The following MEF2C variants were observed in gnomAD, a reference collection of about 807,000 sequenced individuals.
The protein encoded by MEF2C is myocyte enhancer factor 2C.
In MEF2C, 6 loss-of-function variants were observed where a neutral mutation model predicts 50.5. The observed-to-expected ratio is 0.12, with a 90% CI of 0.07 to 0.23. The LOEUF (loss-of-function observed/expected upper bound fraction) is 0.23, where lower values mean the gene tolerates loss of function less well. Ranked by LOEUF, MEF2C falls within the 10% of genes least tolerant of loss-of-function variation. The pLI is 1.00. For synonymous variants in MEF2C, 183 were observed against 228.0 expected, an observed-to-expected ratio of 0.80 and a Z score of 1.78; for missense variants, 276 against 605.0, an observed-to-expected ratio of 0.46 and a Z score of 5.70.
At chr5:88,770,061 A>G in intron 3 of MEF2C, 1 of 921,474 alleles carries the variant, frequency 1.1e-6, no homozygotes, top group Non-Finnish European at 1.3e-6. Flanking sequence ...ATGAGGAAGG[A>G]AAAGACAAGA....
At chr5:88,838,508 A>G in intron 1 of MEF2C, 1 of 938,628 alleles carries the variant, frequency 1.1e-6, no homozygotes, top group Non-Finnish European at 1.3e-6. Context: ...CTTCCTGATA[A>G]TGGGTCAGGA....
intron 6 of MEF2C, among the ~76,000 whole-genome samples, chr5:88,747,357 T>C (rs1770339428): frequency 5.4e-5 from 1 of 18,680 alleles, no homozygotes; most frequent in African/African-American, 9.8e-5. Flanking sequence ...TTTTTTTTTT[T>C]TTTTTTTTTG....
intron 1 of MEF2C, among the ~76,000 whole-genome samples, chr5:88,836,610 C>A (rs919393470): frequency 6.6e-6 from 1 of 152,160 alleles, no homozygotes; most frequent in Non-Finnish European, 1.5e-5. Flanking sequence ...AGGACAGGCA[C>A]GCTGCAGAGG....
At chr5:88,807,225 T>TTTTG (rs1481307632) in intron 2 of MEF2C, among the ~76,000 whole-genome samples, 4 of 152,166 alleles carry the variant, frequency 2.6e-5, no homozygotes, top group African/African-American at 7.2e-5. Context: ...ACAACTTCTC[T>TTTTG]TTTGTTTGTT....
intron 1 of MEF2C, among the ~76,000 whole-genome samples, chr5:88,891,400 T>A (rs1834550332): frequency 6.9e-6 from 1 of 144,236 alleles, no homozygotes; most frequent in Non-Finnish European, 1.5e-5. Flanking sequence ...AACCTTTTTT[T>A]TTTTTTTTTT....
upstream of MEF2C, chr5:88,887,407 C>T (rs1462731734): frequency 1.3e-5 from 2 of 152,118 alleles, no homozygotes; most frequent in African/African-American, 2.4e-5. Flanking sequence ...TTGTTATACA[C>T]GTCTATTCTG....
At chr5:88,794,562 T>C (rs1425535845) in intron 3 of MEF2C, among the ~76,000 whole-genome samples, 1 of 152,226 alleles carries the variant, frequency 6.6e-6, no homozygotes, top group African/African-American at 2.4e-5. Context: ...GAGGGATAGA[T>C]TGCACAAATT....
chr5:88,733,176 A>T, intron 6 of MEF2C: 1 of 985,340 alleles, frequency 1.0e-6, no homozygotes, highest in Non-Finnish European at 1.2e-6. Flanking sequence ...AGAGGCAGGA[A>T]TTGATGAGGG....
intron 1 of MEF2C, among the ~76,000 whole-genome samples, chr5:88,852,155 T>C (rs1046598637): frequency 1.3e-5 from 2 of 152,212 alleles, no homozygotes; most frequent in African/African-American, 4.8e-5. Flanking sequence ...TATGTTGAAC[T>C]GTATGTTCAA....
chr5:88,820,334 A>AGCT (rs1162761926), intron 2 of MEF2C, among the ~76,000 whole-genome samples: 3 of 151,988 alleles, frequency 2.0e-5, no homozygotes, highest in Admixed American at 6.6e-5. Flanking sequence ...TCTGAATTTG[A>AGCT]GCTGTCAATT....
chr5:88,774,557 C>T (rs1047547147), intron 3 of MEF2C, among the ~76,000 whole-genome samples: 1 of 152,052 alleles, frequency 6.6e-6, no homozygotes, highest in African/African-American at 2.4e-5. Flanking sequence ...CTCCTGACCT[C>T]GTGATCTGCC....
intron 3 of MEF2C, chr5:88,766,537 G>T (rs1213674260): frequency 1.4e-5 from 9 of 656,516 alleles, no homozygotes; most frequent in Non-Finnish European, 1.7e-5. Flanking sequence ...CTTTTTTTCA[G>T]AGAACCACCA....
intron 2 of MEF2C, among the ~76,000 whole-genome samples, chr5:88,812,129 C>A (rs1481148419): frequency 1.3e-5 from 2 of 152,114 alleles, no homozygotes; most frequent in Non-Finnish European, 2.9e-5. Context: ...AAAGACTGGT[C>A]TCCTAGGACC....
chr5:88,853,080 T>C (rs1485529854), intron 1 of MEF2C, among the ~76,000 whole-genome samples: 1 of 152,048 alleles, frequency 6.6e-6, no homozygotes, highest in Admixed American at 6.5e-5. Context: ...AAAAATTAAT[T>C]GGGCATGGTG....
At chr5:88,850,339 C>A (rs1820870786) in intron 1 of MEF2C, among the ~76,000 whole-genome samples, 2 of 152,038 alleles carry the variant, frequency 1.3e-5, no homozygotes, top group South Asian at 4.1e-4. Flanking sequence ...AGTATTATGC[C>A]CATTTTACAG....
At chr5:88,891,340 AT>A (rs1019894925) in intron 1 of MEF2C, among the ~76,000 whole-genome samples, 2 of 150,280 alleles carry the variant, frequency 1.3e-5, no homozygotes, top group African/African-American at 4.9e-5. Flanking sequence ...GGAGACATTG[AT>A]TATGATATAA....
chr5:88,853,509 G>A (rs17559709), intron 1 of MEF2C, among the ~76,000 whole-genome samples: 63,351 of 152,060 alleles, frequency 0.42, 13,817 homozygotes, highest in East Asian at 0.48. Flanking sequence ...GCCTGCAAAA[G>A]TGAAATCTAT....
At chr5:88,775,100 C>T (rs1360432783) in intron 3 of MEF2C, among the ~76,000 whole-genome samples, 1 of 152,160 alleles carries the variant, frequency 6.6e-6, no homozygotes, top group Non-Finnish European at 1.5e-5. Context: ...TATTTGCTTA[C>T]CTAACAATAT....
chr5:88,773,137 CT>C (rs1783140996), intron 3 of MEF2C, among the ~76,000 whole-genome samples: 1 of 152,228 alleles, frequency 6.6e-6, no homozygotes, highest in Non-Finnish European at 1.5e-5. Flanking sequence ...GAATCTTTGT[CT>C]TTTTCACCTC....
Sources: allele counts gnomAD v4.1 joint callset (sites outside exome capture counted in the v4.1 genomes callset), GRCh38; gene constraint gnomAD v4.1.1; transcripts MANE v1.5; gene names NCBI Gene and HGNC (gene_info 2026-07-23, HGNC 2026-07-21).